Variants in TENM2 observed in about 807,000 individuals in gnomAD.
TENM2 encodes teneurin-2.
TENM2 carries 52 observed loss-of-function variants against 245.2 expected under a neutral mutation model. The ratio of observed to expected loss-of-function variants is 0.21; its 90% CI spans 0.17 to 0.27. The LOEUF is 0.27. TENM2 is among the 10% of genes least tolerant of loss of function. The probability of loss-of-function intolerance (pLI) is 1.00; values close to 1 mark genes in which losing one functional copy is unlikely to be tolerated. For missense variants in TENM2, 3,046 were observed against 3,666.8 expected (o/e 0.83, Z 4.37); for synonymous variants, 1,363 against 1,438.9 (o/e 0.95, Z 1.19).
intron 2 of TENM2, among the ~76,000 whole-genome samples, chr5:167,408,674 C>A (rs139871853): frequency 1.5e-3 from 233 of 151,818 alleles, no homozygotes; most frequent in Non-Finnish European, 2.8e-3. Context: ...TTAATAATAG[C>A]AAGCTTATTG....
chr5:167,210,791 A>G, the TENM2 span, among the ~76,000 whole-genome samples: 3 of 152,126 alleles, frequency 2.0e-5, no homozygotes, highest in African/African-American at 2.4e-5. Context: ...GCCTTCCTCT[A>G]CATGCATTTT....
chr5:168,142,492 A>C (rs1460159488), intron 12 of TENM2, among the ~76,000 whole-genome samples: 1 of 152,260 alleles, frequency 6.6e-6, no homozygotes, highest in Non-Finnish European at 1.5e-5. Flanking sequence ...TATGTCTTTT[A>C]GGAGACATTA....
chr5:167,613,785 T>A (rs1267247242), intron 2 of TENM2, among the ~76,000 whole-genome samples: 1 of 152,190 alleles, frequency 6.6e-6, no homozygotes, highest in East Asian at 1.9e-4. Flanking sequence ...AGTGTCATAT[T>A]TTAACACAGC....
intron 2 of TENM2, among the ~76,000 whole-genome samples, chr5:167,651,443 A>G (rs1432106384): frequency 6.6e-6 from 1 of 151,696 alleles, no homozygotes; most frequent in African/African-American, 2.4e-5. Context: ...TTCAAGTAGG[A>G]TGACATGATT....
At chr5:167,588,618 A>C (rs1442027566) in intron 2 of TENM2, among the ~76,000 whole-genome samples, 2 of 152,238 alleles carry the variant, frequency 1.3e-5, no homozygotes, top group Non-Finnish European at 2.9e-5. Flanking sequence ...AGCTAAAACA[A>C]AACAACAACA....
the TENM2 span, among the ~76,000 whole-genome samples, chr5:166,995,091 A>G: frequency 0.016 from 2,457 of 151,598 alleles, 61 homozygotes; most frequent in African/African-American, 0.052. Flanking sequence ...AGAGGTTGCT[A>G]TATTTCACAT....
intron 7 of TENM2, among the ~76,000 whole-genome samples, chr5:168,079,180 C>G (rs1412035875): frequency 6.6e-6 from 1 of 152,118 alleles, no homozygotes; most frequent in Admixed American, 6.6e-5. Flanking sequence ...GTATTTTATT[C>G]TCTTTGAAGC....
intron 2 of TENM2, among the ~76,000 whole-genome samples, chr5:167,594,688 G>C (rs1234676091): frequency 6.6e-6 from 1 of 152,138 alleles, no homozygotes; most frequent in Non-Finnish European, 1.5e-5. Flanking sequence ...TCTTTATAGG[G>C]TCAGGGATTC....
At chr5:167,451,649 AT>A (rs35346886) in intron 2 of TENM2, among the ~76,000 whole-genome samples, 35,241 of 145,372 alleles carry the variant, frequency 0.24, 4,345 homozygotes, top group East Asian at 0.3. Context: ...ATAGCAACTG[AT>A]TTTTTTTTTT....
intron 2 of TENM2, among the ~76,000 whole-genome samples, chr5:167,640,327 G>A (rs543390728): frequency 6.6e-6 from 1 of 152,200 alleles, no homozygotes; most frequent in East Asian, 1.9e-4. Context: ...TTGCAGATTT[G>A]CTTGGTATGG....
At chr5:168,118,111 T>A (rs1671604987) in intron 9 of TENM2, among the ~76,000 whole-genome samples, 181 bp from the exon 12 acceptor site, 1 of 152,246 alleles carries the variant, frequency 6.6e-6, no homozygotes, top group African/African-American at 2.4e-5. Flanking sequence ...TGGTAGCTGC[T>A]GTTATCAGTA....
chr5:168,111,995 A>T (rs986545317), intron 9 of TENM2, among the ~76,000 whole-genome samples: 1 of 152,168 alleles, frequency 6.6e-6, no homozygotes, highest in African/African-American at 2.4e-5. Context: ...AAACATGAGA[A>T]AAAAATATTT....
intron 24 of TENM2, among the ~76,000 whole-genome samples, chr5:168,227,515 TC>T (rs1764318668): frequency 1.3e-5 from 2 of 149,896 alleles, no homozygotes; most frequent in Non-Finnish European, 3.0e-5. Flanking sequence ...CATTTGCCTT[TC>T]TTTTTTTTTT....
At chr5:167,532,302 TCTCTC>T (rs1562032115) in intron 2 of TENM2, among the ~76,000 whole-genome samples, 128 of 150,668 alleles carry the variant, frequency 8.5e-4, no homozygotes, top group African/African-American at 3.0e-3. Flanking sequence ...TCTCTCTCTC[TCTCTC>T]TTTTTATATA....
intron 6 of TENM2, among the ~76,000 whole-genome samples, chr5:168,058,586 G>A (rs1293046513): frequency 1.3e-5 from 2 of 152,166 alleles, no homozygotes; most frequent in African/African-American, 2.4e-5. Flanking sequence ...ACCTGAACCA[G>A]GCCCTGACTC....
chr5:167,788,697 A>G (rs1226415233), intron 2 of TENM2, among the ~76,000 whole-genome samples: 3 of 152,218 alleles, frequency 2.0e-5, no homozygotes, highest in Non-Finnish European at 4.4e-5. Flanking sequence ...TTCCAGTGAC[A>G]TAGTGTCTCT....
At chr5:168,018,938 C>G (rs530834381) in intron 5 of TENM2, among the ~76,000 whole-genome samples, 19 of 152,314 alleles carry the variant, frequency 1.2e-4, no homozygotes, top group African/African-American at 4.1e-4. Flanking sequence ...GAGACCACGC[C>G]TGTGCTAGCA....
At chr5:168,197,667 T>C (rs1581605609) in intron 15 of TENM2, among the ~76,000 whole-genome samples, 1 of 127,510 alleles carries the variant, frequency 7.8e-6, no homozygotes. Context: ...GCCACTGCGC[T>C]CCAGCCTGGG....
chr5:168,131,336 TC>T (rs1754559258), intron 12 of TENM2, among the ~76,000 whole-genome samples: 1 of 152,212 alleles, frequency 6.6e-6, no homozygotes, highest in Non-Finnish European at 1.5e-5. Flanking sequence ...GGTCCTAACC[TC>T]CGATTTCATC....
Sources: gnomAD v4.1 joint callset for allele counts (sites outside exome capture counted in the v4.1 genomes callset) on GRCh38, gnomAD v4.1.1 for gene constraint, MANE v1.5 for transcripts, NCBI Gene and HGNC (gene_info 2026-07-23, HGNC 2026-07-21) for gene names.